Variants in SH3KBP1 observed in about 807,000 individuals in gnomAD.
SH3KBP1 encodes SH3 domain-containing kinase-binding protein 1.
A neutral mutation model predicts 50.1 loss-of-function variants in SH3KBP1; 8 were observed. That is an observed-to-expected ratio of 0.16 (90% CI 0.09 to 0.29). The LOEUF (loss-of-function observed/expected upper bound fraction) is 0.29. Among genes scored for constraint, SH3KBP1 ranks in the 10% least tolerant of loss-of-function variants. The pLI is 1.00. For synonymous variants in SH3KBP1, 227 were observed against 218.6 expected (o/e 1.04, Z -0.34); for missense variants, 377 against 535.2 (o/e 0.70, Z 2.92).
intron 6 of SH3KBP1, among the ~76,000 whole-genome samples, chrX:19,667,812 ATTTTTT>A (rs779927127): frequency 7.2e-5 from 4 of 55,848 alleles, no homozygotes; most frequent in Non-Finnish European, 1.2e-4. Flanking sequence ...TTCTGTTGGG[ATTTTTT>A]TTTTTTTTTT....
intron 12 of SH3KBP1, among the ~76,000 whole-genome samples, chrX:19,581,290 A>G (rs1340735733): frequency 1.8e-5 from 2 of 112,044 alleles, no homozygotes; most frequent in African/African-American, 3.2e-5. Context: ...TTCTCCAAAG[A>G]TAAGTCTTCA....
At chrX:19,647,726 T>C (rs963645525) in intron 6 of SH3KBP1, among the ~76,000 whole-genome samples, 3 of 111,246 alleles carry the variant, frequency 2.7e-5, no homozygotes, top group African/African-American at 9.8e-5. Context: ...GCTCCGGAGA[T>C]GGGAATTGGC....
At chrX:19,673,910 G>C (rs2062863034) in intron 6 of SH3KBP1, among the ~76,000 whole-genome samples, 1 of 111,553 alleles carries the variant, frequency 9.0e-6, no homozygotes, top group Non-Finnish European at 1.9e-5. Context: ...CTCACTCCTT[G>C]TCCACATGCA....
chrX:19,564,409 T>C (rs1224825426), intron 13 of SH3KBP1, among the ~76,000 whole-genome samples: 1 of 111,873 alleles, frequency 8.9e-6, no homozygotes, highest in Non-Finnish European at 1.9e-5. Context: ...TCCTTTTATG[T>C]AATACCCGTT....
chrX:19,538,411 G>A, intron 16 of SH3KBP1, among the ~76,000 whole-genome samples: 1 of 109,398 alleles, frequency 9.1e-6, no homozygotes, highest in Non-Finnish European at 1.9e-5. Context: ...GTCTCACTAT[G>A]TTGCCCAGGC....
intron 3 of SH3KBP1, among the ~76,000 whole-genome samples, chrX:19,743,623 T>C (rs1194747008): frequency 9.0e-6 from 1 of 111,521 alleles, no homozygotes; most frequent in East Asian, 2.8e-4. Context: ...ACCCAAGATG[T>C]CTTCTGACCT....
rs6633308 is a variant in SH3KBP1 at position 19,814,335 on chromosome X, G to A, written c.162+21790C>T. On this transcript the variant is annotated intron_variant, in intron 2 of 17. Transcript: ENST00000397821. ...CCCCCTTGCAGTCTTTTCTCAACAC[G>A]GCAGCCAGAGGGAACCTGTTAAAAC... 6.0e-3 allele frequency among the ~76,000 whole-genome samples: 662 copies of A among 110,915 alleles called. 8 individuals carry two copies. Among genetic ancestry groups the A allele is most frequent in the African/African-American group, 0.02 (599 of 30,399 alleles).
chrX:19,567,670 G>A (rs760286923), intron 13 of SH3KBP1, among the ~76,000 whole-genome samples: 32 of 103,233 alleles, frequency 3.1e-4, no homozygotes, highest in Non-Finnish European at 5.8e-4. Flanking sequence ...AGTCATGACA[G>A]TGTACTATAG....
chrX:19,762,506 A>G (rs934621247), intron 2 of SH3KBP1, among the ~76,000 whole-genome samples: 10 of 110,776 alleles, frequency 9.0e-5, no homozygotes, highest in African/African-American at 3.3e-4. Flanking sequence ...AACATAAGAT[A>G]GCAAGGAAAC....
chrX:19,626,031 G>A (rs1359105764), intron 8 of SH3KBP1, among the ~76,000 whole-genome samples: 1 of 111,819 alleles, frequency 8.9e-6, no homozygotes, highest in Non-Finnish European at 1.9e-5. Context: ...GTGAAGATGA[G>A]GGGAAATGCT....
chrX:19,579,561 T>C (rs1398390669), intron 12 of SH3KBP1, among the ~76,000 whole-genome samples: 2 of 112,241 alleles, frequency 1.8e-5, no homozygotes, highest in Non-Finnish European at 3.8e-5. Context: ...CATTTCCTAC[T>C]GTTTCACTGC....
chrX:19,619,925 C>T (rs1043793415), intron 8 of SH3KBP1, among the ~76,000 whole-genome samples: 2 of 112,058 alleles, frequency 1.8e-5, no homozygotes. Context: ...TTGAGATGAC[C>T]GCTTAATCGG....
At chrX:19,579,163 C>T (rs146822579) in intron 12 of SH3KBP1, among the ~76,000 whole-genome samples, 33 of 112,005 alleles carry the variant, frequency 2.9e-4, no homozygotes, top group East Asian at 5.6e-4. Flanking sequence ...GGTGAAGACA[C>T]GCTGGAAGGT....
At chrX:19,632,198 C>T (rs760286250) in intron 7 of SH3KBP1, among the ~76,000 whole-genome samples, 125 of 111,491 alleles carry the variant, frequency 1.1e-3, no homozygotes, top group African/African-American at 4.0e-3. Context: ...TCATGAGATG[C>T]CCCTGACTGC....
intron 6 of SH3KBP1, among the ~76,000 whole-genome samples, chrX:19,680,327 C>A: frequency 9.5e-6 from 1 of 105,719 alleles, no homozygotes. Context: ...TTGCTGTGAG[C>A]CAAGATTGTG....
At chrX:19,536,989 G>C (rs375924673) in intron 17 of SH3KBP1, among the ~76,000 whole-genome samples, 2 of 112,044 alleles carry the variant, frequency 1.8e-5, no homozygotes, top group Admixed American at 9.5e-5. Flanking sequence ...TGAATCAGAG[G>C]CTACAGGGGA....
chrX:19,786,185 G>A (rs762634813), intron 2 of SH3KBP1, among the ~76,000 whole-genome samples: 4 of 111,511 alleles, frequency 3.6e-5, no homozygotes, highest in Non-Finnish European at 7.5e-5. Flanking sequence ...AGCATCTAAT[G>A]TACTCTGCAT....
intron 3 of SH3KBP1, among the ~76,000 whole-genome samples, chrX:19,714,533 T>C (rs1206261131): frequency 9.0e-6 from 1 of 111,027 alleles, no homozygotes; most frequent in Non-Finnish European, 1.9e-5. Flanking sequence ...TAAAATGTGG[T>C]ATAGATACCT....
intron 3 of SH3KBP1, among the ~76,000 whole-genome samples, chrX:19,712,404 T>G (rs919249886): frequency 1.8e-5 from 2 of 112,084 alleles, no homozygotes; most frequent in African/African-American, 3.2e-5. Flanking sequence ...TCCATATTAA[T>G]ATGTTTAACA....
Sources: allele counts gnomAD v4.1 joint callset (sites outside exome capture counted in the v4.1 genomes callset), GRCh38; gene constraint gnomAD v4.1.1; transcripts MANE v1.5; gene names NCBI Gene and HGNC (gene_info 2026-07-23, HGNC 2026-07-21).